Variants in PDE7B observed in about 807,000 individuals in gnomAD.
PDE7B encodes 3',5'-cyclic-AMP phosphodiesterase 7B.
A neutral mutation model predicts 56.2 loss-of-function variants in PDE7B; 29 were observed. The ratio of observed to expected loss-of-function variants is 0.52; its 90% confidence interval spans 0.38 to 0.70. The LOEUF is 0.70. Ranked by LOEUF, PDE7B falls within the 30% of genes least tolerant of loss-of-function variation. The pLI, the probability that PDE7B is intolerant of heterozygous loss-of-function variation, is 0.00. For synonymous variants in PDE7B, 197 were observed against 196.9 expected (o/e 1.00, Z 0.00); for missense variants, 490 against 565.0 (o/e 0.87, Z 1.35).
chr6:136,182,965 G>A (rs1384112135), intron 11 of PDE7B, among the ~76,000 whole-genome samples: 5 of 151,716 alleles, frequency 3.3e-5, no homozygotes, highest in Non-Finnish European at 7.4e-5. Flanking sequence ...CCAGCTACTC[G>A]GGAGGCTGAA....
intron 8 of PDE7B, among the ~76,000 whole-genome samples, chr6:136,160,296 A>G (rs1436153746): frequency 6.6e-6 from 1 of 152,142 alleles, no homozygotes; most frequent in African/African-American, 2.4e-5. Context: ...GTTTCAAAGG[A>G]TATTAAATGG....
rs1296660441 is a variant in PDE7B at position 136,179,049 on chromosome 6, A to G, written c.856A>G (p.Arg286Gly). ...CTTGATCTTGGCAACAGACATCAAC[A>G]GGCAGAATGAATTTTTGACCAGATT... Reference protein sequence around the residue: ...GSLILATDINRQNEFLTRLKA... With the variant: ...GSLILATDINGQNEFLTRLKA... The change falls in exon 10 of 13, where the codon AGG (arginine) becomes GGG (glycine). Residue 286 changes from arginine (R) to glycine (G), a missense_variant. Physicochemically the swap from Arg to Gly is moderately radical, Grantham distance 125. Transcript: ENST00000308191. 3.1e-6 allele frequency: 5 copies of G among 1,613,986 alleles called. No individual in the cohort carries two copies. The highest frequency in any genetic ancestry group is 4.2e-6 in the Non-Finnish European group (5 of 1,179,920).
chr6:135,975,125 C>T (rs1775160905), intron 2 of PDE7B, among the ~76,000 whole-genome samples: 1 of 152,052 alleles, frequency 6.6e-6, no homozygotes, highest in South Asian at 2.1e-4. Flanking sequence ...CTCTGTGTGG[C>T]CAACTCCAGT....
chr6:136,192,036 T>G lies in PDE7B; in HGVS notation c.*196T>G. On this transcript the variant is annotated 3_prime_UTR_variant, in exon 13 of 13. Coordinates refer to ENST00000308191, the MANE Select transcript of PDE7B (RefSeq NM_018945.4). ...ACAGAAGCCATTTGTCACCTCAGCA[T>G]TCGCTGCCGAAATGAGCAACTCCAT... The G allele has an allele frequency of 1.7e-6, 1 of 587,412 alleles. No individual in the cohort carries two copies. Among genetic ancestry groups the G allele is most frequent in the Non-Finnish European group, 3.0e-6 (1 of 328,434 alleles). The allele number at this position is 587,412 out of a possible 1,614,324, so 36.4% of individuals were successfully genotyped here. A position where few individuals can be genotyped will look rare whatever the true frequency, so the allele number is the denominator to read the frequency against.
intron 2 of PDE7B, among the ~76,000 whole-genome samples, chr6:135,983,361 A>G (rs1173205037): frequency 6.6e-6 from 1 of 152,176 alleles, no homozygotes; most frequent in East Asian, 1.9e-4. Context: ...CAGGTAATAT[A>G]TGTGAAATTA....
intron 3 of PDE7B, among the ~76,000 whole-genome samples, chr6:136,142,516 CT>C (rs1230397354): frequency 6.6e-6 from 1 of 152,092 alleles, no homozygotes; most frequent in African/African-American, 2.4e-5. Context: ...TCCTTGTTAA[CT>C]TTCTGTCTCG....
At chr6:135,865,941 AAC>A (rs1434426484) in intron 1 of PDE7B, among the ~76,000 whole-genome samples, 1 of 152,182 alleles carries the variant, frequency 6.6e-6, no homozygotes, top group African/African-American at 2.4e-5. Flanking sequence ...TAGTGAGGAA[AAC>A]ACATATAGTA....
At chr6:135,981,202 A>C (rs1215994303) in intron 2 of PDE7B, among the ~76,000 whole-genome samples, 12 of 150,034 alleles carry the variant, frequency 8.0e-5, no homozygotes, top group South Asian at 6.4e-4. Context: ...CCAAACACCG[A>C]ATATTCTCAC....
At chr6:136,061,314 A>G (rs1776835131) in intron 2 of PDE7B, among the ~76,000 whole-genome samples, 1 of 152,202 alleles carries the variant, frequency 6.6e-6, no homozygotes, top group Admixed American at 6.5e-5. Context: ...TTAGTTGACT[A>G]GATACATAGT....
At chr6:136,104,865 T>G (rs1777622930) in intron 2 of PDE7B, among the ~76,000 whole-genome samples, 1 of 152,236 alleles carries the variant, frequency 6.6e-6, no homozygotes, top group African/African-American at 2.4e-5. Context: ...AATCAGCTTC[T>G]CAAAGTGCAG....
At chr6:136,085,571 G>T (rs1365250469) in intron 2 of PDE7B, among the ~76,000 whole-genome samples, 1 of 152,182 alleles carries the variant, frequency 6.6e-6, no homozygotes, top group Non-Finnish European at 1.5e-5. Flanking sequence ...CTGACTTTTG[G>T]TTGATGGAAT....
At chr6:136,090,850 C>T (rs1477369434) in intron 2 of PDE7B, among the ~76,000 whole-genome samples, 9 of 152,182 alleles carry the variant, frequency 5.9e-5, no homozygotes, top group Admixed American at 5.9e-4. Context: ...TTCTTTATGC[C>T]AACCTCTAAG....
In PDE7B at chr6:136,098,261, A is replaced by G. The variant is rs368649457; in HGVS notation, c.83-10470A>G. 8.5e-5 allele frequency among the ~76,000 whole-genome samples: 13 copies of G among 152,104 alleles called. No individual in the cohort carries two copies. In the South Asian group the frequency reaches 1.5e-3, roughly 17 times the overall value. On this transcript the variant is annotated intron_variant, in intron 2 of 12. Transcript: ENST00000308191. ...AGAAGAGAGAGTAGACTACAAAGAA[A>G]ATGGACACTCAAAATGGAGAGGTAG...
intron 2 of PDE7B, chr6:136,038,052 C>G (rs546670045): frequency 2.5e-5 from 33 of 1,335,716 alleles, no homozygotes; most frequent in Middle Eastern, 4.2e-4. Flanking sequence ...GAATCGCTCT[C>G]GTCGGCAGTG....
intron 1 of PDE7B, among the ~76,000 whole-genome samples, chr6:135,929,349 A>G (rs1774254679): frequency 1.3e-5 from 2 of 152,178 alleles, no homozygotes; most frequent in Admixed American, 1.3e-4. Context: ...TTCCTGTAAG[A>G]GTTTTATCTA....
At chr6:135,951,469 G>C (rs1017624393) in intron 2 of PDE7B, among the ~76,000 whole-genome samples, 3 of 152,124 alleles carry the variant, frequency 2.0e-5, no homozygotes, top group Non-Finnish European at 4.4e-5. Context: ...TGGGCAAAAA[G>C]AGCCCAGAAT....
chr6:136,003,745 G>A (rs1452471612), intron 2 of PDE7B, among the ~76,000 whole-genome samples: 2 of 152,158 alleles, frequency 1.3e-5, no homozygotes, highest in East Asian at 1.9e-4. Context: ...AGGACCAGAT[G>A]GATTCACAGC....
At chr6:135,968,963 G>A (rs1440530077) in intron 2 of PDE7B, among the ~76,000 whole-genome samples, 11 of 152,118 alleles carry the variant, frequency 7.2e-5, no homozygotes, top group Admixed American at 5.9e-4. Context: ...GCCATAAAAC[G>A]GAATGAGATC....
chr6:135,945,742 C>T (rs1397478485), intron 1 of PDE7B, among the ~76,000 whole-genome samples: 1 of 152,098 alleles, frequency 6.6e-6, no homozygotes, highest in South Asian at 2.1e-4. Flanking sequence ...GTGAATGTAG[C>T]TCATCTTCGG....
Sources: gnomAD v4.1 joint callset for allele counts (sites outside exome capture counted in the v4.1 genomes callset) on GRCh38, gnomAD v4.1.1 for gene constraint, MANE v1.5 for transcripts, NCBI Gene and HGNC (gene_info 2026-07-23, HGNC 2026-07-21) for gene names.